RCVRN: variants seen among roughly 807,000 people sequenced by gnomAD.
RCVRN encodes the protein recoverin.
A neutral mutation model predicts 20.4 loss-of-function variants in RCVRN; 23 were observed. The ratio of observed to expected loss-of-function variants is 1.13; its 90% confidence interval spans 0.81 to 1.60. The LOEUF (loss-of-function observed/expected upper bound fraction) is 1.60, where lower values mean the gene tolerates loss of function less well. RCVRN is among the 40% of genes most tolerant of loss of function. The probability of loss-of-function intolerance (pLI) is 0.00; values close to 1 mark genes in which losing one functional copy is unlikely to be tolerated. For synonymous variants in RCVRN, 105 were observed against 105.9 expected, an observed-to-expected ratio of 0.99 and a Z score of 0.05; for missense variants, 254 against 254.2, an observed-to-expected ratio of 1.00 and a Z score of 0.00.
At position 9,904,932 on chromosome 17, in the gene RCVRN, GAA is replaced by G; in HGVS notation, c.247_248del (p.Phe83GlnfsTer31). 2.5e-6 allele frequency: 4 copies of G among 1,614,222 alleles called. No homozygotes were observed. The highest frequency in any genetic ancestry group is 3.4e-6 in the Non-Finnish European group (4 of 1,180,036). ...FDSNLDGTLD[F>X]KEYVIALHMT... is the part of the protein sequence containing the mutation. ...TGTGCAGGGCGATGACGTACTCCTT[GAA>G]GTCCAGGGTGCCGTCGAGGTTGGAA... On this transcript the variant is annotated frameshift_variant, in exon 1 of 3. Coordinates refer to ENST00000226193, the MANE Select transcript of RCVRN (RefSeq NM_002903.3). This position sits in a 1 kb window ranked among gnomAD's most constrained non-coding sequence, Gnocchi z 5.8.
chr17:9,901,819 G>A (rs1273711528), intron 1 of RCVRN, among the ~76,000 whole-genome samples: 1 of 152,218 alleles, frequency 6.6e-6, no homozygotes, highest in Non-Finnish European at 1.5e-5. Flanking sequence ...CTCACCCTGG[G>A]CCCAGGAAGG....
rs755761443 is a variant in RCVRN, at chr17:9,898,085, A to G, written c.*10T>C. 1.0e-5 allele frequency: 16 copies of G among 1,598,148 alleles called. No homozygotes were observed. The highest frequency in any genetic ancestry group is 1.3e-5 in the Non-Finnish European group (15 of 1,165,646). On this transcript the variant is annotated 3_prime_UTR_variant, in exon 3 of 3. Coordinates refer to ENST00000226193, the MANE Select transcript of RCVRN (RefSeq NM_002903.3). Reference sequence around the variant, plus strand: ...TGGTAGGTGGAGGGAGGACAGCTGAACAGTTGGCATCAGGCGTTCTTCATC... The same window carrying G: ...TGGTAGGTGGAGGGAGGACAGCTGAGCAGTTGGCATCAGGCGTTCTTCATC...
chr17:9,898,277 T>C, intron 2 of RCVRN, 73 bp from the exon 3 acceptor site: 1 of 890,710 alleles, frequency 1.1e-6, no homozygotes, highest in South Asian at 1.3e-5. Flanking sequence ...GCGATGAGGC[T>C]GACATCTAGC....
intron 2 of RCVRN, among the ~76,000 whole-genome samples, 172 bp from the exon 3 acceptor site, chr17:9,898,376 T>C (rs1301632683): frequency 6.6e-6 from 1 of 152,090 alleles, no homozygotes; most frequent in African/African-American, 2.4e-5. Flanking sequence ...CCAGTCCAGA[T>C]ACCCACCTCC....
chr17:9,900,396 G>A (rs62064492), intron 2 of RCVRN, among the ~76,000 whole-genome samples: 26,042 of 149,074 alleles, frequency 0.17, 2,902 homozygotes, highest in Non-Finnish European at 0.25. Context: ...ACTGACAGGG[G>A]CACTGAGGAC....
Position 9,901,030 on chromosome 17 carries a change from C to CGCTTTTCCGGCGTGTTTTCA in RCVRN, c.432_451dup (p.Arg151LeufsTer42). ...AAAGTACTTCCAGATCTTCTCGGCT[C>CGCTTTTCCGGCGTGTTTTCA]GCTTTTCCGGCGTGTTTTCATCGTC... On this transcript the variant is annotated frameshift_variant, in exon 2 of 3. Transcript: ENST00000226193. 1 of 1,610,432 alleles carries CGCTTTTCCGGCGTGTTTTCA rather than the reference C, an allele frequency of 6.2e-7. No homozygotes were observed. Among genetic ancestry groups the CGCTTTTCCGGCGTGTTTTCA allele is most frequent in the Non-Finnish European group, 8.5e-7 (1 of 1,177,026 alleles).
At position 9,898,003 on chromosome 17, in the gene RCVRN, C is replaced by T. The variant is rs532352414; in HGVS notation, c.*92G>A. 169 of 765,674 alleles carry T rather than the reference C, an allele frequency of 2.2e-4. No individual in the cohort carries two copies. The highest frequency in any genetic ancestry group is 1.0e-3 in the South Asian group (72 of 68,656). The allele number at this position is 765,674 out of a possible 1,614,324, so 47.4% of individuals were successfully genotyped here. A position where few individuals can be genotyped will look rare whatever the true frequency, so the allele number is the denominator to read the frequency against. ...GTGGATGTGTGTGTGTGTGTGTGCG[C>T]GCGCGTGTGTGTGCATGTGTGTGTG... On this transcript the variant is annotated 3_prime_UTR_variant, in exon 3 of 3. Transcript: ENST00000226193.
rs528191532 is a variant in RCVRN at position 9,904,684 on chromosome 17, C to A, written c.381+116G>T. On this transcript the variant is annotated intron_variant, in intron 1 of 2. Coordinates refer to ENST00000226193, the MANE Select transcript of RCVRN (RefSeq NM_002903.3). The surrounding 1 kb of genome is among the most constrained non-coding windows in gnomAD (Gnocchi z 5.8). ...AGCACCACGCTCTCAGAGCCAGTGG[C>A]CCGCATCCCCCGCTCCACCCACAGA... 2.4e-5 allele frequency: 29 copies of A among 1,204,764 alleles called. No individual in the cohort carries two copies. In the East Asian group the frequency reaches 2.6e-4, roughly 11 times the overall value. 74.6% of individuals were successfully genotyped at this position (1,204,764 alleles called of 1,614,324 possible).
In RCVRN at chr17:9,904,986, G is replaced by C. The variant is rs746649664; in HGVS notation, c.195C>G (p.Tyr65Ter). The C allele has an allele frequency of 6.2e-7, 1 of 1,614,234 alleles. No homozygotes were observed. Among genetic ancestry groups the C allele is most frequent in the South Asian group, 1.1e-5 (1 of 91,080 alleles). Residue 65 changes from tyrosine to a stop codon, truncating the protein, a stop_gained, in exon 1 of 3, where the codon TAC becomes TAG. Coordinates refer to ENST00000226193, the MANE Select transcript of RCVRN (RefSeq NM_002903.3). LOFTEE classifies it high-confidence loss of function. This position sits in a 1 kb window ranked among gnomAD's most constrained non-coding sequence, Gnocchi z 5.8. The part of the protein sequence containing the change: ...KFFPDTDPKA[Y>*]AQHVFRSFDS... ...CGAAGCTGCGGAACACATGCTGGGCGTAGGCCTTGGGGTCGGTGTCGGGGA... is the reference window on the plus strand; with the variant it reads ...CGAAGCTGCGGAACACATGCTGGGCCTAGGCCTTGGGGTCGGTGTCGGGGA...
At chr17:9,901,563 G>A (rs1377167908) in intron 1 of RCVRN, among the ~76,000 whole-genome samples, 2 of 152,204 alleles carry the variant, frequency 1.3e-5, no homozygotes, top group East Asian at 3.9e-4. Context: ...GCCCCCTGGT[G>A]CTGGATAAAG....
At position 9,905,112 on chromosome 17, in the gene RCVRN, G is replaced by A. The variant is rs769123427; in HGVS notation, c.69C>T (p.Phe23=). The change falls in exon 1 of 3, where the codon TTC becomes TTT. Residue 23 remains phenylalanine, a synonymous_variant. Transcript: ENST00000226193. ...ILEELQLNTK[F]SEEELCSWYQ... is the part of the protein sequence containing the mutation. Reference sequence around the variant, plus strand: ...ACCAGGAGCACAGCTCCTCCTCCGAGAACTTGGTGTTCAGCTGCAGCTCCT... The same window carrying A: ...ACCAGGAGCACAGCTCCTCCTCCGAAAACTTGGTGTTCAGCTGCAGCTCCT... 2 of 1,610,498 alleles carry A rather than the reference G, an allele frequency of 1.2e-6. No individual in the cohort carries two copies. Among genetic ancestry groups the A allele is most frequent in the South Asian group, 1.1e-5 (1 of 90,294 alleles).
At position 9,905,257 on chromosome 17, in the gene RCVRN, G is replaced by A; in HGVS notation, c.-77C>T. ...GCGTGGTCCCCTGGCCGCAGGCTGG[G>A]CTCAAGGCTGGTGTGAGCTGAAGAC... On this transcript the variant is annotated 5_prime_UTR_variant, in exon 1 of 3. Coordinates refer to ENST00000226193, the MANE Select transcript of RCVRN (RefSeq NM_002903.3). 6.9e-7 allele frequency: 1 copy of A among 1,445,610 alleles called. No homozygotes were observed. The highest frequency in any genetic ancestry group is 1.4e-5 in the South Asian group (1 of 72,574). The allele number at this position is 1,445,610 out of a possible 1,614,324, so 89.5% of individuals were successfully genotyped here. A position where few individuals can be genotyped will look rare whatever the true frequency, so the allele number is the denominator to read the frequency against.
rs1448477807 is a variant in RCVRN, at chr17:9,899,615, A to C, written c.493+1374T>G. Among the ~76,000 whole-genome samples the C allele has an allele frequency of 6.6e-6, 1 of 152,212 alleles. No homozygotes were observed. The highest frequency in any genetic ancestry group is 1.5e-5 in the Non-Finnish European group (1 of 68,036). On this transcript the variant is annotated intron_variant, in intron 2 of 2. Coordinates refer to ENST00000226193, the MANE Select transcript of RCVRN (RefSeq NM_002903.3). The surrounding 1 kb of genome is among the most constrained non-coding windows in gnomAD (Gnocchi z 4.6). Reference sequence around the variant, plus strand: ...AAGTGCCAAAAGAAGGCATCTTGGTAGCCAGTGTCTGTGCAAGGAGGAGAG... The same window carrying C: ...AAGTGCCAAAAGAAGGCATCTTGGTCGCCAGTGTCTGTGCAAGGAGGAGAG...
rs748705219 is a variant in RCVRN, at chr17:9,904,790, G to A, written c.381+10C>T. 2 of 1,610,406 alleles carry A rather than the reference G, an allele frequency of 1.2e-6. No homozygotes were observed. Among genetic ancestry groups the A allele is most frequent in the South Asian group, 1.1e-5 (1 of 90,710 alleles). ...CACCGCCCAGCCAGAAGGGGAGAGG[G>A]GAGACTGACCATGACGATCTCCAGC... is the stretch of plus-strand genomic sequence containing the variant. On this transcript the variant is annotated intron_variant, in intron 1 of 2. Coordinates refer to ENST00000226193, the MANE Select transcript of RCVRN (RefSeq NM_002903.3). This position sits in a 1 kb window ranked among gnomAD's most constrained non-coding sequence, Gnocchi z 5.8.
At position 9,898,184 on chromosome 17, in the gene RCVRN, A is replaced by G; in HGVS notation, c.514T>C (p.Phe172Leu). Residue 172 changes from phenylalanine to leucine, a missense_variant, in exon 3 of 3, where the codon TTC (phenylalanine) becomes CTC (leucine). Coordinates refer to ENST00000226193, the MANE Select transcript of RCVRN (RefSeq NM_002903.3). Reference sequence around the variant, plus strand: ...TTATTGGCCAGTGTCCCCTCAATGAATTCTTTCTCTGTAAGTTTATCTGTG... The same window carrying G: ...TTATTGGCCAGTGTCCCCTCAATGAGTTCTTTCTCTGTAAGTTTATCTGTG... Reference protein sequence around the residue: ...NDDDKLTEKEFIEGTLANKEI... With the variant: ...NDDDKLTEKELIEGTLANKEI... 1 of 1,612,440 alleles carries G rather than the reference A, an allele frequency of 6.2e-7. No individual in the cohort carries two copies. The highest frequency in any genetic ancestry group is 8.5e-7 in the Non-Finnish European group (1 of 1,178,458).
chr17:9,897,959 C>T lies in RCVRN; in HGVS notation c.*136G>A, dbSNP rs148146423. ...GCTGTGCTGTGGGCTTGTGTGCAGG[C>T]CTTTCTCTTGGCCCTGGGGTGGATG... is the stretch of plus-strand genomic sequence containing the variant. On this transcript the variant is annotated 3_prime_UTR_variant, in exon 3 of 3. Transcript: ENST00000226193. The T allele has an allele frequency of 9.5e-4, 637 of 672,964 alleles. 3 individuals carry two copies. In the African/African-American group the frequency reaches 0.011, roughly 11 times the overall value. 41.7% of individuals were successfully genotyped at this position (672,964 alleles called of 1,614,324 possible).
chr17:9,899,762 C>G lies in RCVRN; in HGVS notation c.493+1227G>C, dbSNP rs916374683. Reference sequence around the variant, plus strand: ...TGAGTGCATTGTTGACCCCTGAGAACGAGCGCCTCCTTAAATTCTGTGTCC... The same window carrying G: ...TGAGTGCATTGTTGACCCCTGAGAAGGAGCGCCTCCTTAAATTCTGTGTCC... On this transcript the variant is annotated intron_variant, in intron 2 of 2. Transcript: ENST00000226193. This position sits in a 1 kb window ranked among gnomAD's most constrained non-coding sequence, Gnocchi z 4.6. Among the ~76,000 whole-genome samples, 1 of 152,180 alleles carries G rather than the reference C, an allele frequency of 6.6e-6. No homozygotes were observed. The highest frequency in any genetic ancestry group is 2.1e-4 in the South Asian group (1 of 4,826).
intron 2 of RCVRN, among the ~76,000 whole-genome samples, chr17:9,900,247 G>A (rs62064491): frequency 0.17 from 26,019 of 151,934 alleles, 2,901 homozygotes; most frequent in Non-Finnish European, 0.25. Context: ...CTCCTTTACC[G>A]CATCCTTGTG....
Position 9,904,588 on chromosome 17 carries a change from C to G in RCVRN, c.381+212G>C, listed in dbSNP as rs2067354988. Reference sequence around the variant, plus strand: ...TAACATGGCTGTATTAGGAAACACTCAGATTCTGCTCCGGGAAGACAACGA... The same window carrying G: ...TAACATGGCTGTATTAGGAAACACTGAGATTCTGCTCCGGGAAGACAACGA... On this transcript the variant is annotated intron_variant, in intron 1 of 2. Coordinates refer to ENST00000226193, the MANE Select transcript of RCVRN (RefSeq NM_002903.3). This position sits in a 1 kb window ranked among gnomAD's most constrained non-coding sequence, Gnocchi z 5.8. Among the ~76,000 whole-genome samples, 1 of 152,214 alleles carries G rather than the reference C, an allele frequency of 6.6e-6. No individual in the cohort carries two copies. The highest frequency in any genetic ancestry group is 2.4e-5 in the African/African-American group (1 of 41,466).
Sources: allele counts gnomAD v4.1 joint callset (sites outside exome capture counted in the v4.1 genomes callset), GRCh38; gene constraint gnomAD v4.1.1; non-coding constraint Gnocchi (gnomAD v3.1); transcripts MANE v1.5; gene names NCBI Gene and HGNC (gene_info 2026-07-23, HGNC 2026-07-21).